The following EPS15L1 variants were observed in gnomAD, a reference collection of about 807,000 sequenced individuals.
The protein encoded by EPS15L1 is epidermal growth factor receptor pathway substrate 15 like 1.
EPS15L1 carries 43 observed loss-of-function variants against 117.1 expected under a neutral mutation model. The observed-to-expected ratio is 0.37, with a 90% confidence interval of 0.29 to 0.47. The LOEUF is 0.47. EPS15L1 is among the 20% of genes least tolerant of loss of function. EPS15L1 has a pLI of 0.99. For missense variants in EPS15L1, 981 were observed against 1,164.0 expected, an observed-to-expected ratio of 0.84 and a Z score of 2.29; for synonymous variants, 459 against 470.5, an observed-to-expected ratio of 0.98 and a Z score of 0.32.
rs567706529 is a variant in EPS15L1 at position 16,413,021 on chromosome 19, T to A, written c.1266+752A>T. 3.4e-5 allele frequency: 25 copies of A among 735,688 alleles called. No homozygotes were observed. In the South Asian group the frequency reaches 3.6e-4, roughly 11 times the overall value. 45.6% of individuals were successfully genotyped at this position (735,688 alleles called of 1,614,324 possible). ...CTCTCAAGGATGAGGTTTTGAAGAT[T>A]ATGCCAGTGCAGAAACAGACCCGCG... On this transcript the variant is annotated intron_variant, in intron 13 of 23. Coordinates refer to ENST00000455140, the MANE Select transcript of EPS15L1 (RefSeq NM_001258374.3).
intron 23 of EPS15L1, chr19:16,361,498 C>A (rs2092050268): frequency 1.1e-6 from 1 of 928,414 alleles, no homozygotes; most frequent in African/African-American, 1.7e-5. Context: ...AGAAATAATA[C>A]AATGAATCTA....
At chr19:16,450,000 G>A (rs1304983767) in intron 1 of EPS15L1, among the ~76,000 whole-genome samples, 1 of 152,042 alleles carries the variant, frequency 6.6e-6, no homozygotes, top group Non-Finnish European at 1.5e-5. Context: ...GGAAGAGATG[G>A]GCTGGGAGGG....
chr19:16,386,912 C>G (rs1386453822), intron 19 of EPS15L1, among the ~76,000 whole-genome samples: 1 of 152,192 alleles, frequency 6.6e-6, no homozygotes, highest in Non-Finnish European at 1.5e-5. Flanking sequence ...TTGGAGAAAA[C>G]AGACTACAGT....
In EPS15L1 at chr19:16,381,213, T is replaced by A. The variant is rs2092358655; in HGVS notation, c.2247+3916A>T. Among the ~76,000 whole-genome samples, 1 of 152,064 alleles carries A rather than the reference T, an allele frequency of 6.6e-6. No individual in the cohort carries two copies. The highest frequency in any genetic ancestry group is 1.5e-5 in the Non-Finnish European group (1 of 67,992). ...ATAGGCCCAGTGACCTGGCAGGGGG[T>A]CCCACTGTCAGCACCTCTGCCTTAC... On this transcript the variant is annotated intron_variant, in intron 21 of 23. Coordinates refer to ENST00000455140, the MANE Select transcript of EPS15L1 (RefSeq NM_001258374.3). This position sits in a 1 kb window ranked among gnomAD's most constrained non-coding sequence, Gnocchi z 4.2.
chr19:16,382,782 G>C (rs997096113), intron 21 of EPS15L1, among the ~76,000 whole-genome samples: 1 of 151,964 alleles, frequency 6.6e-6, no homozygotes, highest in Non-Finnish European at 1.5e-5. Flanking sequence ...GGTGAGGGTG[G>C]GGCCTCAACT....
chr19:16,413,133 G>T (rs1303785335), intron 13 of EPS15L1: 5 of 670,004 alleles, frequency 7.5e-6, no homozygotes, highest in Non-Finnish European at 1.4e-5. Flanking sequence ...CTCCAAGGAG[G>T]CGGCCACTGC....
intron 16 of EPS15L1, 62 bp from the exon 17 acceptor site, chr19:16,395,529 G>A (rs1467204817): frequency 2.6e-6 from 4 of 1,522,930 alleles, no homozygotes; most frequent in Non-Finnish European, 3.6e-6. Flanking sequence ...GCAAAGTACG[G>A]AATTCCATAC....
At chr19:16,438,665 G>A (rs906249490) in intron 4 of EPS15L1, among the ~76,000 whole-genome samples, 32 of 152,204 alleles carry the variant, frequency 2.1e-4, no homozygotes, top group African/African-American at 7.7e-4. Flanking sequence ...GAGTAGCTGG[G>A]ACCACAGGTG....
At chr19:16,377,613 T>A (rs2092312488) in intron 21 of EPS15L1, among the ~76,000 whole-genome samples, 1 of 152,180 alleles carries the variant, frequency 6.6e-6, no homozygotes, top group Non-Finnish European at 1.5e-5. Context: ...CTGCTTACAC[T>A]TCAGAGACAC....
At chr19:16,417,719 G>T in intron 11 of EPS15L1, 82 bp from the exon 12 acceptor site, 1 of 1,305,700 alleles carries the variant, frequency 7.7e-7, no homozygotes, top group Non-Finnish European at 1.1e-6. Context: ...CTCGGGCCCA[G>T]GGATAAAATT....
chr19:16,426,187 C>T (rs73931917), intron 8 of EPS15L1, among the ~76,000 whole-genome samples: 13,872 of 152,206 alleles, frequency 0.091, 1,170 homozygotes, highest in East Asian at 0.26. Context: ...ATGTTGACAT[C>T]ACGTTCCCCC....
chr19:16,441,500 G>A (rs2093031275), intron 3 of EPS15L1: 1 of 169,000 alleles, frequency 5.9e-6, no homozygotes, highest in Non-Finnish European at 1.3e-5. Context: ...GTGGTAGCAT[G>A]TGCCTGTAAT....
At position 16,361,791 on chromosome 19, in the gene EPS15L1, T is replaced by A. The variant is rs1206783588; in HGVS notation, c.2574A>T (p.Ala858=). ...KPSKASASGF[A]DFTSFGNEEQ... ...GGACTCAACTTACAGAGGTGAAGTC[T>A]GCAAAGCCCGAGGCAGAGGCCTTAG... The change falls in exon 23 of 24, where the codon GCA becomes GCT. Residue 858 remains alanine, a synonymous_variant. Transcript: ENST00000455140. 1 of 1,613,266 alleles carries A rather than the reference T, an allele frequency of 6.2e-7. No individual in the cohort carries two copies. The highest frequency in any genetic ancestry group is 8.5e-7 in the Non-Finnish European group (1 of 1,179,778).
chr19:16,395,571 C>A (rs2092531341), intron 16 of EPS15L1, 104 bp from the exon 17 acceptor site: 2 of 1,197,598 alleles, frequency 1.7e-6, no homozygotes, highest in Non-Finnish European at 2.4e-6. Context: ...AGTAGCATGA[C>A]CCTAAAAAGA....
intron 10 of EPS15L1, among the ~76,000 whole-genome samples, chr19:16,420,600 T>C (rs1444615168): frequency 6.6e-6 from 1 of 152,232 alleles, no homozygotes; most frequent in African/African-American, 2.4e-5. Context: ...AGTAACATCC[T>C]GAATTTCACT....
chr19:16,406,041 G>A (rs1335869823), intron 13 of EPS15L1, among the ~76,000 whole-genome samples: 1 of 152,098 alleles, frequency 6.6e-6, no homozygotes, highest in Non-Finnish European at 1.5e-5. Context: ...TGAGAATGGA[G>A]AGGAGGGGTG....
intron 19 of EPS15L1, among the ~76,000 whole-genome samples, chr19:16,388,468 G>C (rs1272014738): frequency 6.6e-6 from 1 of 152,134 alleles, no homozygotes; most frequent in Non-Finnish European, 1.5e-5. Flanking sequence ...CAAAGATAAA[G>C]AGAGAATCTT....
intron 17 of EPS15L1, among the ~76,000 whole-genome samples, chr19:16,395,132 T>A (rs1235693567): frequency 6.6e-6 from 1 of 150,614 alleles, no homozygotes; most frequent in Non-Finnish European, 1.5e-5. Context: ...GAGGCGGAGG[T>A]TGCAGTGAGC....
Position 16,381,739 on chromosome 19 carries a change from C to T in EPS15L1, c.2247+3390G>A, listed in dbSNP as rs989398338. Among the ~76,000 whole-genome samples, 27 of 152,250 alleles carry T rather than the reference C, an allele frequency of 1.8e-4. No homozygotes were observed. Among genetic ancestry groups the T allele is most frequent in the African/African-American group, 6.0e-4 (25 of 41,552 alleles). On this transcript the variant is annotated intron_variant, in intron 21 of 23. Transcript: ENST00000455140. The surrounding 1 kb of genome is among the most constrained non-coding windows in gnomAD (Gnocchi z 4.2). The stretch of plus-strand genomic sequence containing the variant: ...AGCTTTAAAATGGGCCGTTTAGGGT[C>T]GGCTGTTTGGGAAAGAATGGGGGAA...
Sources: allele counts gnomAD v4.1 joint callset (sites outside exome capture counted in the v4.1 genomes callset), GRCh38; gene constraint gnomAD v4.1.1; non-coding constraint Gnocchi (gnomAD v3.1); transcripts MANE v1.5; gene names NCBI Gene and HGNC (gene_info 2026-07-23, HGNC 2026-07-21).